Variants in GPC3 observed in about 807,000 individuals in gnomAD.
GPC3 encodes glypican 3, also known as glypican-3.
In GPC3, 3 loss-of-function variants were observed where a neutral mutation model predicts 34.4. The observed-to-expected ratio is 0.09, with a 90% CI of 0.04 to 0.23. GPC3 has a LOEUF of 0.23. GPC3 is among the 10% of genes least tolerant of loss of function. The probability of loss-of-function intolerance (pLI) is 1.00; values close to 1 mark genes in which losing one functional copy is unlikely to be tolerated. For synonymous variants in GPC3, 177 were observed against 174.0 expected (o/e 1.02, Z -0.13); for missense variants, 351 against 445.6 (o/e 0.79, Z 1.91).
At chrX:133,921,877 C>A (rs961756442) in intron 2 of GPC3, among the ~76,000 whole-genome samples, 4 of 112,368 alleles carry the variant, frequency 3.6e-5, no homozygotes, top group African/African-American at 6.5e-5. Flanking sequence ...CCTGGATGTG[C>A]CTGTCTCTCC....
chrX:133,862,173 G>C (rs1268977071), intron 2 of GPC3, among the ~76,000 whole-genome samples: 2 of 109,663 alleles, frequency 1.8e-5, no homozygotes, highest in Non-Finnish European at 3.8e-5. Flanking sequence ...CTGTCTTTCT[G>C]TCTAATCTGC....
intron 7 of GPC3, among the ~76,000 whole-genome samples, chrX:133,569,513 C>T (rs1189873528): frequency 8.9e-6 from 1 of 112,033 alleles, no homozygotes; most frequent in Non-Finnish European, 1.9e-5. Flanking sequence ...CCCTGTTTAT[C>T]ATTACTGTCC....
chrX:133,541,129 A>T (rs868401800), intron 7 of GPC3, among the ~76,000 whole-genome samples: 8 of 110,599 alleles, frequency 7.2e-5, no homozygotes, highest in African/African-American at 2.0e-4. Context: ...TAGAAAGATG[A>T]TTGTTAACAC....
At chrX:133,644,943 G>A (rs746683557) in intron 6 of GPC3, among the ~76,000 whole-genome samples, 2 of 111,089 alleles carry the variant, frequency 1.8e-5, no homozygotes, top group East Asian at 2.8e-4. Flanking sequence ...ACCATGCCCA[G>A]CAAATTTCTG....
chrX:133,598,363 A>C (rs1283251750), intron 6 of GPC3, among the ~76,000 whole-genome samples: 1 of 108,187 alleles, frequency 9.2e-6, no homozygotes, highest in Admixed American at 1.0e-4. Flanking sequence ...AGGTCTCACT[A>C]TGTTGCCCAG....
chrX:133,726,697 C>A (rs1461771678), intron 3 of GPC3, among the ~76,000 whole-genome samples: 1 of 111,359 alleles, frequency 9.0e-6, no homozygotes, highest in Non-Finnish European at 1.9e-5. Context: ...TCCAGGTTCA[C>A]AAATCTTTCT....
chrX:133,916,657 T>A lies in GPC3; in HGVS notation c.337+36393A>T, dbSNP rs12689723. Among the ~76,000 whole-genome samples, 14 of 111,069 alleles carry A rather than the reference T, an allele frequency of 1.3e-4. No homozygotes were observed. The East Asian group carries it at 3.4e-3, about 27-fold the overall frequency. ...ACTTTGGGAGGCAAAAGCAGGGAGA[T>A]CACTGGAGCCCAGAAGTTCAAGACC... On this transcript the variant is annotated intron_variant, in intron 2 of 7. Transcript: ENST00000370818.
At chrX:133,751,907 G>A (rs2071671221) in intron 3 of GPC3, among the ~76,000 whole-genome samples, 1 of 110,843 alleles carries the variant, frequency 9.0e-6, no homozygotes, top group Non-Finnish European at 1.9e-5. Flanking sequence ...TTTTGTTTTT[G>A]AGGCAGGGTC....
intron 5 of GPC3, among the ~76,000 whole-genome samples, chrX:133,664,111 T>A (rs1238614479): frequency 8.9e-6 from 1 of 112,318 alleles, no homozygotes; most frequent in Non-Finnish European, 1.9e-5. Flanking sequence ...GGAAAAAAAA[T>A]CAGTGAATCG....
intron 2 of GPC3, among the ~76,000 whole-genome samples, chrX:133,838,255 A>G (rs2075808399): frequency 1.8e-5 from 2 of 112,439 alleles, no homozygotes; most frequent in Admixed American, 1.9e-4. Context: ...TTTTTCCTGA[A>G]ATACTAGACT....
intron 2 of GPC3, among the ~76,000 whole-genome samples, chrX:133,843,590 C>A (rs1433012969): frequency 9.0e-6 from 1 of 111,221 alleles, no homozygotes; most frequent in African/African-American, 3.3e-5. Context: ...GCAAGAATGG[C>A]CTAATGCATG....
At chrX:133,943,643 A>G (rs1156522458) in intron 2 of GPC3, among the ~76,000 whole-genome samples, 1 of 112,350 alleles carries the variant, frequency 8.9e-6, no homozygotes, top group African/African-American at 3.2e-5. Context: ...AAGAAAAGGG[A>G]GCTTCTCTTC....
At chrX:133,748,120 A>G (rs2071628306) in intron 3 of GPC3, among the ~76,000 whole-genome samples, 1 of 112,541 alleles carries the variant, frequency 8.9e-6, no homozygotes, top group Non-Finnish European at 1.9e-5. Context: ...AACATCCAAC[A>G]TGCTAATTAT....
At chrX:133,672,883 C>T (rs2070844347) in intron 5 of GPC3, among the ~76,000 whole-genome samples, 1 of 108,105 alleles carries the variant, frequency 9.3e-6, no homozygotes, top group Non-Finnish European at 1.9e-5. Context: ...ATCTCCTGAC[C>T]TCGTGATCCG....
At chrX:133,859,410 T>G (rs2075924765) in intron 2 of GPC3, among the ~76,000 whole-genome samples, 1 of 110,786 alleles carries the variant, frequency 9.0e-6, no homozygotes, top group Admixed American at 9.6e-5. Flanking sequence ...AGGCTTGGGG[T>G]CTCCCTGGGA....
chrX:133,944,832 A>G (rs1367186695), intron 2 of GPC3, among the ~76,000 whole-genome samples: 1 of 112,166 alleles, frequency 8.9e-6, no homozygotes, highest in Non-Finnish European at 1.9e-5. Context: ...GGGCCAGCAT[A>G]GAGCTGAGTT....
At chrX:133,788,114 ATAT>A (rs1478253762) in intron 2 of GPC3, among the ~76,000 whole-genome samples, 1 of 87,665 alleles carries the variant, frequency 1.1e-5, no homozygotes, top group Admixed American at 1.2e-4. Flanking sequence ...ATATATATAT[ATAT>A]ATATATGTAT....
intron 2 of GPC3, among the ~76,000 whole-genome samples, chrX:133,812,957 C>G (rs1201256757): frequency 2.7e-5 from 3 of 112,526 alleles, no homozygotes; most frequent in African/African-American, 6.5e-5. Context: ...CAGCTGCAAG[C>G]TAAGCTATTA....
At chrX:133,685,568 GTA>G (rs750141595) in intron 5 of GPC3, among the ~76,000 whole-genome samples, 12 of 107,206 alleles carry the variant, frequency 1.1e-4, no homozygotes, top group Middle Eastern at 4.9e-3. Context: ...GTGTGTGTGT[GTA>G]TATATATATA....
Sources: allele counts gnomAD v4.1 joint callset (sites outside exome capture counted in the v4.1 genomes callset), GRCh38; gene constraint gnomAD v4.1.1; transcripts MANE v1.5; gene names NCBI Gene and HGNC (gene_info 2026-07-23, HGNC 2026-07-21).